Variants in NEO1 observed in about 807,000 individuals in gnomAD.
The protein encoded by NEO1 is neogenin.
In NEO1, 63 loss-of-function variants were observed where a neutral mutation model predicts 159.7. The observed-to-expected ratio is 0.39, with a 90% confidence interval of 0.32 to 0.49. The LOEUF (loss-of-function observed/expected upper bound fraction) is 0.49. Among genes scored for constraint, NEO1 ranks in the 20% least tolerant of loss-of-function variants. NEO1 has a pLI of 0.85. For synonymous variants in NEO1, 633 were observed against 662.0 expected (o/e 0.96, Z 0.67); for missense variants, 1,615 against 1,831.0 (o/e 0.88, Z 2.15).
At chr15:73,071,809 C>T (rs2068546158) in intron 1 of NEO1, among the ~76,000 whole-genome samples, 1 of 152,196 alleles carries the variant, frequency 6.6e-6, no homozygotes, top group Non-Finnish European at 1.5e-5. Flanking sequence ...AGCCACCACA[C>T]CTGGCCCACT....
intron 13 of NEO1, among the ~76,000 whole-genome samples, chr15:73,258,552 T>A (rs916700277): frequency 6.6e-6 from 1 of 152,194 alleles, no homozygotes; most frequent in African/African-American, 2.4e-5. Flanking sequence ...GTTTTCCTCT[T>A]AGATTGTGTG....
At chr15:73,070,003 G>A (rs2068456717) in intron 1 of NEO1, among the ~76,000 whole-genome samples, 1 of 152,298 alleles carries the variant, frequency 6.6e-6, no homozygotes, top group Admixed American at 6.5e-5. Context: ...CCAAAAAGTA[G>A]ATTGGAAAGG....
At chr15:73,107,293 A>T (rs139002091) in intron 1 of NEO1, among the ~76,000 whole-genome samples, 1 of 152,218 alleles carries the variant, frequency 6.6e-6, no homozygotes, top group South Asian at 2.1e-4. Flanking sequence ...ACAGATTCAC[A>T]TACAAAATTA....
chr15:73,148,545 C>T (rs2033110792), intron 5 of NEO1, among the ~76,000 whole-genome samples: 1 of 152,168 alleles, frequency 6.6e-6, no homozygotes, highest in Non-Finnish European at 1.5e-5. Flanking sequence ...TATTTCTACC[C>T]CTAACTGTTA....
At chr15:73,098,998 C>T (rs946485464) in intron 1 of NEO1, among the ~76,000 whole-genome samples, 8 of 152,054 alleles carry the variant, frequency 5.3e-5, no homozygotes. Flanking sequence ...AGTTGAGCAT[C>T]TTTTTAAATG....
At chr15:73,062,894 G>A (rs1476871355) in intron 1 of NEO1, among the ~76,000 whole-genome samples, 1 of 152,158 alleles carries the variant, frequency 6.6e-6, no homozygotes, top group East Asian at 1.9e-4. Context: ...AGAAACGTAG[G>A]CTCACAGGTT....
intron 13 of NEO1, 80 bp downstream of exon 13, chr15:73,254,909 G>T: frequency 1.4e-6 from 2 of 1,443,816 alleles, no homozygotes; most frequent in Non-Finnish European, 1.9e-6. Context: ...TGACTGCTCT[G>T]AACTGTCGAC....
intron 23 of NEO1, among the ~76,000 whole-genome samples, chr15:73,283,356 A>G (rs953650989): frequency 6.6e-6 from 1 of 152,252 alleles, no homozygotes; most frequent in Admixed American, 6.5e-5. Flanking sequence ...GGTTAGGGCA[A>G]ACTAGGCAGG....
intron 7 of NEO1, chr15:73,221,917 G>A (rs1222566470): frequency 2.6e-5 from 4 of 155,984 alleles, no homozygotes; most frequent in African/African-American, 2.4e-5. Flanking sequence ...TTCGGCTCGC[G>A]CACGGTGCGC....
intron 1 of NEO1, among the ~76,000 whole-genome samples, chr15:73,069,588 A>G (rs1210647628): frequency 2.0e-5 from 3 of 152,024 alleles, no homozygotes; most frequent in South Asian, 2.1e-4. Flanking sequence ...ACTCATTTTT[A>G]TAGTAAATTT....
At chr15:73,125,991 A>G (rs1016070461) in intron 3 of NEO1, among the ~76,000 whole-genome samples, 2 of 152,180 alleles carry the variant, frequency 1.3e-5, no homozygotes, top group Non-Finnish European at 2.9e-5. Flanking sequence ...AATGGGATTC[A>G]TGTCAAATAT....
intron 13 of NEO1, among the ~76,000 whole-genome samples, chr15:73,258,122 G>T (rs984678771): frequency 6.6e-6 from 1 of 152,144 alleles, no homozygotes; most frequent in Non-Finnish European, 1.5e-5. Flanking sequence ...TGTTTGTTGC[G>T]TTTGATACAT....
intron 5 of NEO1, among the ~76,000 whole-genome samples, chr15:73,147,416 C>T (rs1055708869): frequency 6.6e-6 from 1 of 152,178 alleles, no homozygotes; most frequent in Non-Finnish European, 1.5e-5. Context: ...CATCAGATGG[C>T]ACCATGTTTT....
At chr15:73,268,998 T>A (rs2041044717) in intron 16 of NEO1, among the ~76,000 whole-genome samples, 4 of 152,236 alleles carry the variant, frequency 2.6e-5, no homozygotes, top group Admixed American at 1.3e-4. Flanking sequence ...TGGAAGAAAC[T>A]ATGGTAGATA....
chr15:73,147,470 A>C (rs1031503954), intron 5 of NEO1, among the ~76,000 whole-genome samples: 1 of 152,184 alleles, frequency 6.6e-6, no homozygotes, highest in East Asian at 1.9e-4. Flanking sequence ...CCTCATGCCC[A>C]GTCTAGCTTC....
intron 7 of NEO1, among the ~76,000 whole-genome samples, chr15:73,190,580 C>G (rs1166146324): frequency 6.6e-6 from 1 of 152,018 alleles, no homozygotes; most frequent in Non-Finnish European, 1.5e-5. Context: ...TGACTAATGG[C>G]CTGGCATGAT....
At chr15:73,234,812 C>T (rs570346126) in intron 7 of NEO1, among the ~76,000 whole-genome samples, 35 of 152,300 alleles carry the variant, frequency 2.3e-4, no homozygotes, top group Middle Eastern at 3.4e-3. Context: ...AGTTTTCAGA[C>T]TCTGCTTGGC....
At chr15:73,252,350 T>C (rs910802325) in intron 11 of NEO1, among the ~76,000 whole-genome samples, 3 of 152,300 alleles carry the variant, frequency 2.0e-5, no homozygotes, top group Admixed American at 2.0e-4. Context: ...CTAGAGAATG[T>C]GTGGGCCACA....
In NEO1 at chr15:73,176,554, T is replaced by A. The variant is rs1391568925; in HGVS notation, c.1167T>A (p.Ile389=). The A allele has an allele frequency of 6.2e-7, 1 of 1,604,654 alleles. No homozygotes were observed. Among genetic ancestry groups the A allele is most frequent in the Non-Finnish European group, 8.5e-7 (1 of 1,176,208 alleles). ...DMVIPSDYFK[I]VKEHNLQVLG... ...TTATCCCAAGTGATTATTTTAAGAT[T>A]GTAGTAAGTATTTTTCAAAGAAGTG... Residue 389 remains isoleucine, a synonymous_variant, in exon 6 of 29, where the codon ATT becomes ATA. Coordinates refer to ENST00000261908, the MANE Select transcript of NEO1 (RefSeq NM_002499.4).
Sources: allele counts gnomAD v4.1 joint callset (sites outside exome capture counted in the v4.1 genomes callset), GRCh38; gene constraint gnomAD v4.1.1; transcripts MANE v1.5; gene names NCBI Gene and HGNC (gene_info 2026-07-23, HGNC 2026-07-21).